The following CNTN5 variants were observed in gnomAD, a reference collection of about 807,000 sequenced individuals.
The protein encoded by CNTN5 is contactin-5.
Under a neutral mutation model 129.1 loss-of-function variants are expected in CNTN5, and 77 were observed. That is an observed-to-expected ratio of 0.60 (90% CI 0.50 to 0.72). The LOEUF is 0.72. Ranked by LOEUF, CNTN5 falls within the 30% of genes least tolerant of loss-of-function variation. The pLI is 0.00. For missense variants in CNTN5, 1,478 were observed against 1,328.8 expected (o/e 1.11, Z -1.75); for synonymous variants, 509 against 465.6 (o/e 1.09, Z -1.20).
chr11:99,139,997 C>T (rs1361834038), intron 1 of CNTN5, among the ~76,000 whole-genome samples: 2 of 151,996 alleles, frequency 1.3e-5, no homozygotes, highest in Non-Finnish European at 2.9e-5. Context: ...GCTTATTCTC[C>T]GTTTTTGTCA....
chr11:100,151,019 T>C (rs61908131), intron 13 of CNTN5, among the ~76,000 whole-genome samples: 34,651 of 151,794 alleles, frequency 0.23, 5,722 homozygotes, highest in African/African-American at 0.48. Context: ...AGGAGGAAGG[T>C]TGTCACCAGG....
chr11:100,322,391 T>G (rs916040559), intron 21 of CNTN5, among the ~76,000 whole-genome samples: 10 of 152,076 alleles, frequency 6.6e-5, no homozygotes, highest in Admixed American at 3.9e-4. Flanking sequence ...CCCGGCTAAT[T>G]TTTTGTATTT....
chr11:100,004,065 A>G lies in CNTN5; in HGVS notation c.980+1929A>G, dbSNP rs1324015654. Reference sequence around the variant, plus strand: ...ATTTCATCCCAACATAATCACAGCAATTGCAAATTAATTCCTGAGCATCCG... The same window carrying G: ...ATTTCATCCCAACATAATCACAGCAGTTGCAAATTAATTCCTGAGCATCCG... On this transcript the variant is annotated intron_variant, in intron 9 of 24. Coordinates refer to ENST00000524871, the MANE Select transcript of CNTN5 (RefSeq NM_014361.4). 3 of 152,188 alleles carry G rather than the reference A, an allele frequency of 2.0e-5. No individual in the cohort carries two copies. The South Asian group carries it at 6.2e-4, about 32-fold the overall frequency. The allele number at this position is 152,188 out of a possible 1,614,324, so 9.4% of individuals were successfully genotyped here. A position where few individuals can be genotyped will look rare whatever the true frequency, so the allele number is the denominator to read the frequency against.
intron 3 of CNTN5, among the ~76,000 whole-genome samples, chr11:99,633,257 C>G (rs1261477700): frequency 1.3e-5 from 2 of 152,150 alleles, no homozygotes; most frequent in Non-Finnish European, 2.9e-5. Flanking sequence ...ATCTGATGAG[C>G]ACAAAGTGTC....
chr11:99,228,279 C>A (rs939999851), intron 1 of CNTN5, among the ~76,000 whole-genome samples: 3 of 152,066 alleles, frequency 2.0e-5, no homozygotes, highest in African/African-American at 4.8e-5. Context: ...AGAGTGGATG[C>A]AGGTAGAGAG....
intron 1 of CNTN5, among the ~76,000 whole-genome samples, chr11:99,109,701 A>T (rs551952383): frequency 5.9e-5 from 9 of 152,132 alleles, no homozygotes; most frequent in African/African-American, 2.2e-4. Flanking sequence ...CCGCTGCTGG[A>T]TATTGCTTCC....
chr11:99,969,227 A>G (rs1314921419), intron 8 of CNTN5, among the ~76,000 whole-genome samples: 2 of 152,174 alleles, frequency 1.3e-5, no homozygotes, highest in African/African-American at 4.8e-5. Context: ...GTGGTAACAA[A>G]TAACAAGATG....
In CNTN5 at chr11:99,844,967, C is replaced by A. The variant is rs768330458; in HGVS notation, c.393C>A (p.Pro131=). 1 of 1,613,142 alleles carries A rather than the reference C, an allele frequency of 6.2e-7. No homozygotes were observed. Among genetic ancestry groups the A allele is most frequent in the Non-Finnish European group, 8.5e-7 (1 of 1,179,612 alleles). Reference sequence around the variant, plus strand: ...GTGAAGTTCGTGGCAATCCAGTTCCCAGTTACAGGTAGGAATTCACTGTTA... The same window carrying A: ...GTGAAGTTCGTGGCAATCCAGTTCCAAGTTACAGGTAGGAATTCACTGTTA... ...LNCEVRGNPV[P]SYRWLRNGTE... is the part of the protein sequence containing the mutation. The change falls in exon 5 of 25, where the codon CCC becomes CCA. Residue 131 remains proline, a synonymous_variant. Transcript: ENST00000524871.
intron 21 of CNTN5, chr11:100,337,463 G>A (rs1157808074): frequency 1.2e-5 from 9 of 747,382 alleles, no homozygotes; most frequent in South Asian, 1.1e-4. Context: ...ATGTGATTAA[G>A]TCTTACCCAA....
At chr11:99,358,555 A>T (rs1025906075) in intron 2 of CNTN5, among the ~76,000 whole-genome samples, 2 of 151,724 alleles carry the variant, frequency 1.3e-5, no homozygotes, top group Non-Finnish European at 2.9e-5. Flanking sequence ...GCAAGACTCC[A>T]TCTCAAAAAC....
At chr11:100,063,245 A>T (rs372410435) in intron 10 of CNTN5, among the ~76,000 whole-genome samples, 2 of 151,092 alleles carry the variant, frequency 1.3e-5, no homozygotes, top group African/African-American at 4.9e-5. Flanking sequence ...AAAAAAAAAA[A>T]TTGCTTTCAC....
chr11:100,272,655 T>C (rs75714746), intron 18 of CNTN5, among the ~76,000 whole-genome samples: 10,542 of 151,580 alleles, frequency 0.07, 405 homozygotes, highest in Middle Eastern at 0.1. Flanking sequence ...GCACTGAGAG[T>C]GGACAGAGGG....
At chr11:99,577,102 T>C (rs2135595004) in intron 3 of CNTN5, among the ~76,000 whole-genome samples, 1 of 152,274 alleles carries the variant, frequency 6.6e-6, no homozygotes, top group Middle Eastern at 3.4e-3. Context: ...GCACAATTGT[T>C]AAATAATTCA....
chr11:99,401,263 C>G (rs912230113), intron 2 of CNTN5, among the ~76,000 whole-genome samples: 2 of 152,008 alleles, frequency 1.3e-5, no homozygotes, highest in Non-Finnish European at 2.9e-5. Context: ...TGTATATGGT[C>G]AGAGATAGGG....
chr11:99,176,531 A>G (rs559576650), intron 1 of CNTN5, among the ~76,000 whole-genome samples: 1 of 152,260 alleles, frequency 6.6e-6, no homozygotes, highest in South Asian at 2.1e-4. Context: ...CTCCTGTTAG[A>G]CTTCCCCATT....
chr11:100,219,878 C>A (rs1949223729), intron 15 of CNTN5, among the ~76,000 whole-genome samples: 1 of 152,104 alleles, frequency 6.6e-6, no homozygotes, highest in Non-Finnish European at 1.5e-5. Flanking sequence ...TTTCTAAAAA[C>A]AATATTAAAA....
At position 99,310,571 on chromosome 11, in the gene CNTN5, A is replaced by G. The variant is rs577613561; in HGVS notation, c.-209-14775A>G. 2.0e-5 allele frequency among the ~76,000 whole-genome samples: 3 copies of G among 152,230 alleles called. No individual in the cohort carries two copies. The East Asian group carries it at 5.8e-4, about 29-fold the overall frequency. ...ATTACATTGAAACACATCTATATAC[A>G]CATTTCAATGAGTTTTGAAAAATAA... is the stretch of plus-strand genomic sequence containing the variant. On this transcript the variant is annotated intron_variant, in intron 1 of 24. Transcript: ENST00000524871.
intron 2 of CNTN5, among the ~76,000 whole-genome samples, chr11:99,532,228 C>T (rs995710475): frequency 1.3e-5 from 2 of 152,026 alleles, no homozygotes; most frequent in Admixed American, 6.6e-5. Context: ...TTGACTGCCC[C>T]GCTGGATTTG....
chr11:100,104,094 CTTTT>C (rs1040980175), intron 13 of CNTN5, among the ~76,000 whole-genome samples: 2 of 132,114 alleles, frequency 1.5e-5, no homozygotes, highest in African/African-American at 2.8e-5. Flanking sequence ...GAAAACGTCA[CTTTT>C]TTTTTTTTTT....
Sources: gnomAD v4.1 joint callset for allele counts (sites outside exome capture counted in the v4.1 genomes callset) on GRCh38, gnomAD v4.1.1 for gene constraint, MANE v1.5 for transcripts, NCBI Gene and HGNC (gene_info 2026-07-23, HGNC 2026-07-21) for gene names.